Variants in ZNF578 observed in about 807,000 individuals in gnomAD.
The protein encoded by ZNF578 is Putative chemokine-related protein B42.
A neutral mutation model predicts 8.3 loss-of-function variants in ZNF578; 8 were observed. The observed-to-expected ratio is 0.96, with a 90% CI of 0.56 to 1.74. The LOEUF is 1.74. Ranked by LOEUF, ZNF578 falls within the 40% of genes most tolerant of loss-of-function variation. The pLI, the probability that ZNF578 is intolerant of heterozygous loss-of-function variation, is 0.00. For missense variants in ZNF578, 726 were observed against 707.5 expected (o/e 1.03, Z -0.30); for synonymous variants, 206 against 232.2 (o/e 0.89, Z 1.03).
At chr19:52,469,502 AG>A (rs1568456762) in intron 2 of ZNF578, among the ~76,000 whole-genome samples, 2 of 152,104 alleles carry the variant, frequency 1.3e-5, no homozygotes, top group African/African-American at 4.8e-5. Flanking sequence ...TAGTTGGTTT[AG>A]GGGCTTCTGG....
chr19:52,510,006 T>G (rs2059438870), intron 5 of ZNF578, among the ~76,000 whole-genome samples: 1 of 152,034 alleles, frequency 6.6e-6, no homozygotes, highest in South Asian at 2.1e-4. Context: ...CTCAGCCTCC[T>G]GAGTAACTGT....
chr19:52,495,351 G>T (rs947597955), intron 3 of ZNF578, among the ~76,000 whole-genome samples: 1 of 146,192 alleles, frequency 6.8e-6, no homozygotes, highest in Non-Finnish European at 1.5e-5. Context: ...TTAGGAGGCC[G>T]AGGCAGGAGA....
At chr19:52,505,226 C>G (rs1004698685) in intron 5 of ZNF578, among the ~76,000 whole-genome samples, 3 of 151,912 alleles carry the variant, frequency 2.0e-5, no homozygotes, top group South Asian at 2.1e-4. Flanking sequence ...GCGTCTCTCA[C>G]TGGCACTGTG....
intron 3 of ZNF578, among the ~76,000 whole-genome samples, chr19:52,501,225 T>A (rs1036678205): frequency 6.6e-6 from 1 of 152,182 alleles, no homozygotes; most frequent in Non-Finnish European, 1.5e-5. Flanking sequence ...TGGATCCTGG[T>A]GAGAACTTGG....
intron 2 of ZNF578, chr19:52,457,598 C>T (rs940925379): frequency 1.7e-4 from 6 of 35,876 alleles, no homozygotes; most frequent in African/African-American, 3.4e-4. Flanking sequence ...GCCATCAACT[C>T]GTGGGATCTG....
intron 5 of ZNF578, among the ~76,000 whole-genome samples, chr19:52,506,979 G>A (rs1431311610): frequency 2.0e-5 from 3 of 152,126 alleles, no homozygotes; most frequent in East Asian, 1.9e-4. Context: ...CTGGCCAGCC[G>A]CAGTGGCTTA....
At chr19:52,478,511 C>A (rs1424933476) in intron 2 of ZNF578, among the ~76,000 whole-genome samples, 1 of 152,018 alleles carries the variant, frequency 6.6e-6, no homozygotes, top group Non-Finnish European at 1.5e-5. Context: ...TTTTTATACT[C>A]CCTCTCCTGT....
rs767890197 is a variant in ZNF578 at position 52,511,590 on chromosome 19, A to G, written c.1209A>G (p.Glu403=). 4 of 1,613,106 alleles carry G rather than the reference A, an allele frequency of 2.5e-6. No homozygotes were observed. The highest frequency in any genetic ancestry group is 3.3e-4 in the Middle Eastern group (2 of 6,050). ...GAGAGAAACCTTACAAGTGTAATGA[A>G]TGTGGCAAGGCTTTTAATCAACAAT... The part of the protein sequence containing the change: ...HTGEKPYKCN[E]CGKAFNQQSH... Residue 403 remains glutamate (E), a synonymous_variant, in exon 6 of 6, where the codon GAA becomes GAG. Coordinates refer to ENST00000421239, the MANE Select transcript of ZNF578 (RefSeq NM_001099694.2).
At chr19:52,501,517 C>T (rs2059407240) in intron 3 of ZNF578, among the ~76,000 whole-genome samples, 1 of 152,160 alleles carries the variant, frequency 6.6e-6, no homozygotes, top group African/African-American at 2.4e-5. Flanking sequence ...AGGTGAGGGG[C>T]TGTCCTCTGG....
At position 52,516,192 on chromosome 19, in the gene ZNF578, C is replaced by T. The variant is rs1390879663; in HGVS notation, c.*4038C>T. 1.3e-5 allele frequency among the ~76,000 whole-genome samples: 2 copies of T among 152,216 alleles called. No homozygotes were observed. The highest frequency in any genetic ancestry group is 2.9e-5 in the Non-Finnish European group (2 of 68,044). ...CAGGTCTAGGCTCAGAGCTCTCTCC[C>T]ATGCCCTCCCACCCCTGGTCTCAAG... On this transcript the variant is annotated 3_prime_UTR_variant, in exon 6 of 6. Coordinates refer to ENST00000421239, the MANE Select transcript of ZNF578 (RefSeq NM_001099694.2).
At chr19:52,493,927 T>A (rs1599903464) in intron 3 of ZNF578, among the ~76,000 whole-genome samples, 2 of 147,522 alleles carry the variant, frequency 1.4e-5, no homozygotes, top group South Asian at 2.2e-4. Flanking sequence ...GAGGCGGAGG[T>A]TGTGGTGAGC....
chr19:52,463,564 A>ATGAGT (rs1424069572), intron 2 of ZNF578, among the ~76,000 whole-genome samples: 1 of 151,736 alleles, frequency 6.6e-6, no homozygotes, highest in African/African-American at 2.4e-5. Context: ...GACATGAGTT[A>ATGAGT]TATAGAAAAG....
At chr19:52,473,876 A>G (rs2059299797) in intron 2 of ZNF578, 2 of 338,602 alleles carry the variant, frequency 5.9e-6, no homozygotes, top group Non-Finnish European at 1.1e-5. Context: ...GCTACTATAG[A>G]CCTTGCCACA....
chr19:52,508,693 G>C lies in ZNF578; in HGVS notation c.191-1879G>C, dbSNP rs182205196. 1.1e-3 allele frequency among the ~76,000 whole-genome samples: 174 copies of C among 151,766 alleles called. 1 individual carries two copies. The highest frequency in any genetic ancestry group is 1.9e-3 in the Admixed American group (29 of 15,232). On this transcript the variant is annotated intron_variant, in intron 5 of 5. Transcript: ENST00000421239. ...GCCTGTAATCCCAGCTACTGAGGAGGCTGAGGCAGGAGAATTGCTTCAACC... is the reference window on the plus strand; with the variant it reads ...GCCTGTAATCCCAGCTACTGAGGAGCCTGAGGCAGGAGAATTGCTTCAACC...
At chr19:52,476,609 G>C (rs985266305) in intron 2 of ZNF578, among the ~76,000 whole-genome samples, 1 of 152,074 alleles carries the variant, frequency 6.6e-6, no homozygotes, top group Admixed American at 6.6e-5. Context: ...ATTTTCACTT[G>C]TAAGTCTGCT....
chr19:52,488,045 G>C (rs2122868333), intron 2 of ZNF578, among the ~76,000 whole-genome samples: 1 of 151,514 alleles, frequency 6.6e-6, no homozygotes, highest in East Asian at 2.0e-4. Context: ...AACTCCGCTT[G>C]TCGGCTTCAA....
At chr19:52,468,070 G>A (rs2122787325) in intron 2 of ZNF578, among the ~76,000 whole-genome samples, 1 of 152,146 alleles carries the variant, frequency 6.6e-6, no homozygotes, top group Non-Finnish European at 1.5e-5. Flanking sequence ...GTAACAAAGG[G>A]AAGAAATGCA....
intron 2 of ZNF578, among the ~76,000 whole-genome samples, chr19:52,472,890 C>T (rs1568457478): frequency 6.6e-6 from 1 of 152,172 alleles, no homozygotes; most frequent in Non-Finnish European, 1.5e-5. Flanking sequence ...TTTCCACATG[C>T]CGTTGAACCT....
chr19:52,461,002 C>T (rs962628957), intron 2 of ZNF578, among the ~76,000 whole-genome samples: 3 of 152,080 alleles, frequency 2.0e-5, no homozygotes, highest in African/African-American at 4.8e-5. Context: ...CAGCATAAAC[C>T]GATACACATT....
Sources: gnomAD v4.1 joint callset for allele counts (sites outside exome capture counted in the v4.1 genomes callset) on GRCh38, gnomAD v4.1.1 for gene constraint, MANE v1.5 for transcripts, NCBI Gene and HGNC (gene_info 2026-07-23, HGNC 2026-07-21) for gene names.